The following PAN3 variants were observed in gnomAD, a reference collection of about 807,000 sequenced individuals.
The protein encoded by PAN3 is poly(A) specific ribonuclease subunit PAN3.
PAN3 carries 19 observed loss-of-function variants against 96.2 expected under a neutral mutation model. The observed-to-expected ratio is 0.20, with a 90% CI of 0.14 to 0.29. The LOEUF is 0.29. Ranked by LOEUF, PAN3 falls within the 10% of genes least tolerant of loss-of-function variation. The pLI, the probability that PAN3 is intolerant of heterozygous loss-of-function variation, is 1.00. For missense variants in PAN3, 882 were observed against 1,108.1 expected, an observed-to-expected ratio of 0.80 and a Z score of 2.90; for synonymous variants, 433 against 406.6, an observed-to-expected ratio of 1.06 and a Z score of -0.78.
chr13:28,273,159 T>C (rs1304701150), intron 14 of PAN3, among the ~76,000 whole-genome samples: 3 of 152,196 alleles, frequency 2.0e-5, no homozygotes, highest in Non-Finnish European at 2.9e-5. Context: ...TCACTTCTTA[T>C]ACTTTATTAG....
chr13:28,141,462 CTTTTTTTTTTTTT>C (rs759736683), intron 1 of PAN3, among the ~76,000 whole-genome samples: 10 of 90,350 alleles, frequency 1.1e-4, no homozygotes, highest in South Asian at 4.2e-4. Context: ...TTCTTTTTTT[CTTTTTTTTTTTTT>C]TTTTTTTTTG....
intron 4 of PAN3, among the ~76,000 whole-genome samples, chr13:28,192,301 C>G (rs1167832425): frequency 6.6e-6 from 1 of 152,104 alleles, no homozygotes; most frequent in Non-Finnish European, 1.5e-5. Context: ...AATTTCTGAC[C>G]TCATGATCCG....
At chr13:28,282,069 C>T (rs1297880986) in intron 17 of PAN3, among the ~76,000 whole-genome samples, 1 of 152,166 alleles carries the variant, frequency 6.6e-6, no homozygotes, top group Non-Finnish European at 1.5e-5. Flanking sequence ...AGCCACCACG[C>T]CTGGCCTAAA....
intron 1 of PAN3, among the ~76,000 whole-genome samples, chr13:28,154,964 T>G (rs1593371085): frequency 6.6e-6 from 1 of 151,180 alleles, no homozygotes; most frequent in Non-Finnish European, 1.5e-5. Flanking sequence ...GGGAGTACAG[T>G]CGCCCACCAC....
intron 18 of PAN3, among the ~76,000 whole-genome samples, chr13:28,292,158 C>T (rs1000179481): frequency 3.3e-5 from 5 of 151,940 alleles, no homozygotes; most frequent in Admixed American, 2.0e-4. Flanking sequence ...ATAATACAAA[C>T]AAACGTTAAG....
chr13:28,215,289 A>G (rs952090308), intron 5 of PAN3: 40 of 716,268 alleles, frequency 5.6e-5, no homozygotes, highest in Middle Eastern at 3.1e-4. Flanking sequence ...AATTGGTGGT[A>G]TTGGTACTGT....
At chr13:28,246,945 A>G (rs1176867072) in intron 6 of PAN3, among the ~76,000 whole-genome samples, 1 of 152,130 alleles carries the variant, frequency 6.6e-6, no homozygotes, top group Non-Finnish European at 1.5e-5. Context: ...CAGCAGTGGG[A>G]TTGCTGGATC....
chr13:28,186,270 C>A (rs1876454906), intron 4 of PAN3, among the ~76,000 whole-genome samples: 1 of 152,106 alleles, frequency 6.6e-6, no homozygotes, highest in African/African-American at 2.4e-5. Context: ...AGGAGTATTA[C>A]AGAATGTGGA....
intron 5 of PAN3, among the ~76,000 whole-genome samples, chr13:28,208,094 A>G (rs1006963620): frequency 1.3e-5 from 2 of 152,212 alleles, no homozygotes; most frequent in Admixed American, 1.3e-4. Flanking sequence ...GTTTCATTAA[A>G]TAAAATATCA....
chr13:28,198,526 G>C (rs996161991), intron 5 of PAN3, among the ~76,000 whole-genome samples: 2 of 151,962 alleles, frequency 1.3e-5, no homozygotes, highest in Non-Finnish European at 2.9e-5. Context: ...ACTGAATAAT[G>C]CAAATGAAAA....
At chr13:28,177,249 T>C (rs542485742) in intron 3 of PAN3, among the ~76,000 whole-genome samples, 1 of 152,214 alleles carries the variant, frequency 6.6e-6, no homozygotes, top group East Asian at 1.9e-4. Flanking sequence ...TTCTACAGAG[T>C]AGTGGAATTT....
chr13:28,162,270 C>G (rs1332930085), intron 1 of PAN3, among the ~76,000 whole-genome samples: 2 of 152,160 alleles, frequency 1.3e-5, no homozygotes, highest in Non-Finnish European at 2.9e-5. Flanking sequence ...TTCCACAATC[C>G]GATAAAGAAA....
At chr13:28,261,669 C>T (rs1294474473) in intron 9 of PAN3, among the ~76,000 whole-genome samples, 1 of 151,594 alleles carries the variant, frequency 6.6e-6, no homozygotes. Context: ...CCTGTCTCTA[C>T]AAAAAATAAA....
intron 1 of PAN3, among the ~76,000 whole-genome samples, chr13:28,154,807 GTTTT>G (rs111375555): frequency 1.5e-5 from 2 of 137,670 alleles, no homozygotes; most frequent in Non-Finnish European, 3.1e-5. Context: ...GACTTTGCAG[GTTTT>G]TTTTTTTTTT....
At position 28,268,454 on chromosome 13, in the gene PAN3, CT is replaced by C. The variant is rs1364106620; in HGVS notation, c.1792+1055del. 5.3e-5 allele frequency among the ~76,000 whole-genome samples: 8 copies of C among 152,172 alleles called. No homozygotes were observed. In the South Asian group the frequency reaches 1.5e-3, roughly 28 times the overall value. ...CTTTTCCTTAAACATGAAATATTTT[CT>C]TCTTTGTCCCTTTCTAATATATACT... is the stretch of plus-strand genomic sequence containing the variant. On this transcript the variant is annotated intron_variant, in intron 12 of 18. Coordinates refer to ENST00000380958, the MANE Select transcript of PAN3 (RefSeq NM_175854.8).
intron 1 of PAN3, among the ~76,000 whole-genome samples, chr13:28,141,004 T>TTTTTATTTTA (rs1491386449): frequency 1.1e-5 from 1 of 93,200 alleles, no homozygotes; most frequent in African/African-American, 8.2e-5. Flanking sequence ...AAAGAGACAC[T>TTTTTATTTTA]TTTTTTTTTT....
intron 2 of PAN3, among the ~76,000 whole-genome samples, chr13:28,175,598 A>G (rs935786934): frequency 1.1e-4 from 17 of 152,194 alleles, no homozygotes; most frequent in African/African-American, 3.9e-4. Flanking sequence ...AAGGGTTTGT[A>G]TGAAACCAAT....
chr13:28,289,344 C>T (rs1447058981), intron 18 of PAN3, among the ~76,000 whole-genome samples: 1 of 152,120 alleles, frequency 6.6e-6, no homozygotes, highest in Admixed American at 6.6e-5. Context: ...GCACTTATGG[C>T]TCACTGCAGC....
intron 3 of PAN3, 58 bp downstream of exon 3, chr13:28,176,617 G>A: frequency 1.3e-6 from 2 of 1,499,326 alleles, no homozygotes; most frequent in South Asian, 1.2e-5. Context: ...TACTCTAAAA[G>A]TAATATACAA....
Sources: gnomAD v4.1 joint callset for allele counts (sites outside exome capture counted in the v4.1 genomes callset) on GRCh38, gnomAD v4.1.1 for gene constraint, MANE v1.5 for transcripts, NCBI Gene and HGNC (gene_info 2026-07-23, HGNC 2026-07-21) for gene names.